HSPA12A: variants seen among roughly 807,000 people sequenced by gnomAD.
HSPA12A encodes the protein heat shock 70 kDa protein 12A.
A neutral mutation model predicts 69.2 loss-of-function variants in HSPA12A; 28 were observed. The ratio of observed to expected loss-of-function variants is 0.40; its 90% CI spans 0.30 to 0.55. The LOEUF (loss-of-function observed/expected upper bound fraction) is 0.55, where lower values mean the gene tolerates loss of function less well. Ranked by LOEUF, HSPA12A falls within the 20% of genes least tolerant of loss-of-function variation. The pLI is 0.38. For missense variants in HSPA12A, 686 were observed against 900.7 expected (o/e 0.76, Z 3.05); for synonymous variants, 345 against 370.5 (o/e 0.93, Z 0.79).
At chr10:116,742,654 G>T (rs1851554255), upstream of HSPA12A, 1 of 969,412 alleles carries the variant, frequency 1.0e-6, no homozygotes, top group African/African-American at 1.8e-5. Flanking sequence ...CCCGCCCGGC[G>T]CCCCGCCCCT....
upstream of HSPA12A, among the ~76,000 whole-genome samples, chr10:116,746,037 G>C (rs1429471588): frequency 6.6e-6 from 1 of 152,004 alleles, no homozygotes; most frequent in Non-Finnish European, 1.5e-5. Flanking sequence ...TCCACATTTA[G>C]AGCCCCCAGA....
intron 2 of HSPA12A, among the ~76,000 whole-genome samples, chr10:116,788,509 C>T (rs1283590173): frequency 6.6e-6 from 1 of 152,130 alleles, no homozygotes; most frequent in Non-Finnish European, 1.5e-5. Context: ...ATGAAAAGCA[C>T]TAGGAAAAAG....
intron 1 of HSPA12A, among the ~76,000 whole-genome samples, chr10:116,735,411 T>C (rs528161634): frequency 1.6e-4 from 24 of 152,328 alleles, no homozygotes; most frequent in African/African-American, 5.8e-4. Context: ...GTGATTTTAT[T>C]GGACTTCCCA....
At chr10:116,834,417 A>G (rs1284931501) in intron 2 of HSPA12A, among the ~76,000 whole-genome samples, 1 of 152,164 alleles carries the variant, frequency 6.6e-6, no homozygotes, top group African/African-American at 2.4e-5. Flanking sequence ...TTTTACATGA[A>G]TAGTCCACTT....
intron 2 of HSPA12A, among the ~76,000 whole-genome samples, chr10:116,754,911 C>T (rs1470147706): frequency 2.0e-5 from 3 of 152,166 alleles, no homozygotes; most frequent in Non-Finnish European, 2.9e-5. Flanking sequence ...ACCAGTTAGT[C>T]TTTCTCTTAG....
rs188101064 is a variant in HSPA12A, at chr10:116,687,569, G to A, written c.664-3607C>T. The stretch of plus-strand genomic sequence containing the variant: ...GAAAAGGAGGAAATGCTAAAGTATC[G>A]CCCAGGCTCTCAAAAACCCAGCTGT... On this transcript the variant is annotated intron_variant, in intron 6 of 11. Coordinates refer to ENST00000369209, the MANE Select transcript of HSPA12A (RefSeq NM_025015.3). Among the ~76,000 whole-genome samples the A allele has an allele frequency of 3.4e-4, 51 of 152,224 alleles. No homozygotes were observed. In the East Asian group the frequency reaches 9.5e-3, roughly 28 times the overall value.
chr10:116,774,882 C>T (rs995608841), intron 2 of HSPA12A, among the ~76,000 whole-genome samples: 8 of 152,188 alleles, frequency 5.3e-5, no homozygotes, highest in Middle Eastern at 3.2e-3. Flanking sequence ...ACCAGCCCCT[C>T]GTGTTGGCTA....
intron 1 of HSPA12A, among the ~76,000 whole-genome samples, chr10:116,721,101 A>G (rs1554884333): frequency 6.6e-6 from 1 of 152,214 alleles, no homozygotes; most frequent in African/African-American, 2.4e-5. Context: ...AAAATCTTCA[A>G]TGACAGACTT....
chr10:116,803,097 C>CGCAGGCGCCACGAG (rs1844993274), intron 2 of HSPA12A, among the ~76,000 whole-genome samples: 1 of 152,230 alleles, frequency 6.6e-6, no homozygotes, highest in African/African-American at 2.4e-5. Context: ...TGAAAGCTGA[C>CGCAGGCGCCACGAG]GCAGGCGCCA....
rs1849200157 is a variant in HSPA12A at position 116,675,291 on chromosome 10, G to A, written c.1518C>T (p.Ile506=). 5 of 1,613,404 alleles carry A rather than the reference G, an allele frequency of 3.1e-6. No individual in the cohort carries two copies. Among genetic ancestry groups the A allele is most frequent in the African/African-American group, 1.3e-5 (1 of 74,932 alleles). ...AAFGDQCRII[I]PQDVGLTILK... ...GGATGGTGAGGCCCACGTCCTGGGG[G>A]ATGATGATCCGGCACTGGTCCCCAA... The change falls in exon 12 of 12, where the codon ATC becomes ATT. Residue 506 remains isoleucine, a synonymous_variant. Transcript: ENST00000369209. The surrounding 1 kb of genome is among the most constrained non-coding windows in gnomAD (Gnocchi z 5.2).
chr10:116,722,398 A>C (rs773727112), intron 1 of HSPA12A, among the ~76,000 whole-genome samples: 2 of 152,186 alleles, frequency 1.3e-5, no homozygotes, highest in Non-Finnish European at 2.9e-5. Context: ...GGCTCCAACC[A>C]ACCCTTGTCT....
intron 2 of HSPA12A, among the ~76,000 whole-genome samples, chr10:116,819,790 T>A (rs1395116850): frequency 2.6e-5 from 4 of 152,230 alleles, no homozygotes; most frequent in Non-Finnish European, 5.9e-5. Flanking sequence ...TCTAAGGGAA[T>A]CTGTATGTAG....
At chr10:116,732,451 A>C (rs1473720350) in intron 1 of HSPA12A, among the ~76,000 whole-genome samples, 1 of 152,082 alleles carries the variant, frequency 6.6e-6, no homozygotes, top group Non-Finnish European at 1.5e-5. Flanking sequence ...TCCTCACTGT[A>C]AAGTTACCTT....
intron 2 of HSPA12A, among the ~76,000 whole-genome samples, chr10:116,808,849 G>C (rs533973718): frequency 6.6e-6 from 1 of 152,128 alleles, no homozygotes. Context: ...CCGCACCGCC[G>C]TTCCTATGTT....
chr10:116,742,173 G>T (rs1454522498), intron 1 of HSPA12A, among the ~76,000 whole-genome samples: 1 of 151,966 alleles, frequency 6.6e-6, no homozygotes, highest in African/African-American at 2.4e-5. Flanking sequence ...CGCCTCAGCG[G>T]GGGCTGCAGT....
upstream of HSPA12A, among the ~76,000 whole-genome samples, chr10:116,744,834 A>G (rs1361040963): frequency 6.6e-6 from 1 of 152,202 alleles, no homozygotes; most frequent in African/African-American, 2.4e-5. Context: ...ATCAGCAGCA[A>G]GGCTGGGGTT....
rs781909209 is a variant in HSPA12A at position 116,697,114 on chromosome 10, G to T, written c.546+1521C>A. On this transcript the variant is annotated intron_variant, in intron 5 of 11. Transcript: ENST00000369209. ...AAGGTACTCAAAAAAACAGGTACTT[G>T]AATAGATGAAAGTAATACCATGTTC... is the stretch of plus-strand genomic sequence containing the variant. Among the ~76,000 whole-genome samples, 71 of 152,308 alleles carry T rather than the reference G, an allele frequency of 4.7e-4. 1 individual carries two copies. The highest frequency in any genetic ancestry group is 3.4e-3 in the Middle Eastern group (1 of 294).
rs539672620 is a variant in HSPA12A, at chr10:116,714,772, C to A, written c.41-7487G>T. On this transcript the variant is annotated intron_variant, in intron 1 of 11. Transcript: ENST00000369209. ...CTCTTCTCTCTCTACTGCCCCACAT[C>A]CCTGGCCATACCAAACCTATCCACA... 9.2e-5 allele frequency among the ~76,000 whole-genome samples: 14 copies of A among 152,326 alleles called. No homozygotes were observed. In the East Asian group the frequency reaches 1.5e-3, roughly 17 times the overall value.
chr10:116,680,140 C>T (rs1849362626), intron 9 of HSPA12A, among the ~76,000 whole-genome samples: 1 of 152,060 alleles, frequency 6.6e-6, no homozygotes, highest in Admixed American at 6.5e-5. Context: ...CAGGCACGCA[C>T]CACCATGCCC....
Sources: allele counts gnomAD v4.1 joint callset (sites outside exome capture counted in the v4.1 genomes callset), GRCh38; gene constraint gnomAD v4.1.1; non-coding constraint Gnocchi (gnomAD v3.1); transcripts MANE v1.5; gene names NCBI Gene and HGNC (gene_info 2026-07-23, HGNC 2026-07-21).